TRPM3: variants seen among roughly 807,000 people sequenced by gnomAD.
The protein encoded by TRPM3 is long transient receptor potential channel 3.
TRPM3 carries 77 observed loss-of-function variants against 181.2 expected under a neutral mutation model. The ratio of observed to expected loss-of-function variants is 0.42; its 90% CI spans 0.35 to 0.51. TRPM3 has a LOEUF of 0.51. Among genes scored for constraint, TRPM3 ranks in the 20% least tolerant of loss-of-function variants. The pLI is 0.01. For synonymous variants in TRPM3, 745 were observed against 796.4 expected (o/e 0.94, Z 1.09); for missense variants, 1,759 against 2,196.7 (o/e 0.80, Z 3.98).
At chr9:71,113,026 A>G (rs1367850805) in intron 1 of TRPM3, among the ~76,000 whole-genome samples, 2 of 152,174 alleles carry the variant, frequency 1.3e-5, no homozygotes, top group Non-Finnish European at 2.9e-5. Context: ...AGGCCAGATC[A>G]CCTTGGGTCT....
At chr9:71,074,159 GGTAAGGCATA>G (rs2063137508) in intron 1 of TRPM3, among the ~76,000 whole-genome samples, 1 of 152,070 alleles carries the variant, frequency 6.6e-6, no homozygotes, top group South Asian at 2.1e-4. Context: ...TACCAGAACA[GGTAAGGCATA>G]TATGGTTATC....
At chr9:70,993,906 G>T (rs1026561089) in intron 1 of TRPM3, among the ~76,000 whole-genome samples, 3 of 152,018 alleles carry the variant, frequency 2.0e-5, no homozygotes, top group Admixed American at 6.6e-5. Context: ...CTCTCTCCTG[G>T]GGGGAAAACA....
intron 19 of TRPM3, among the ~76,000 whole-genome samples, chr9:70,605,158 G>T: frequency 6.6e-6 from 1 of 151,944 alleles, no homozygotes; most frequent in South Asian, 2.1e-4. Context: ...GTTTCATCAT[G>T]TTGGCCAGGC....
intron 12 of TRPM3, 110 bp downstream of exon 12, chr9:70,635,101 G>C (rs565481264): frequency 3.6e-6 from 3 of 842,600 alleles, no homozygotes; most frequent in African/African-American, 3.4e-5. Flanking sequence ...AATGAGTGGC[G>C]CCTGATAGGG....
chr9:70,578,600 G>A (rs960494895), intron 22 of TRPM3, among the ~76,000 whole-genome samples: 4 of 152,106 alleles, frequency 2.6e-5, no homozygotes, highest in Non-Finnish European at 5.9e-5. Flanking sequence ...AAGACAGAGT[G>A]AGCAGAGCAG....
intron 1 of TRPM3, among the ~76,000 whole-genome samples, chr9:71,006,611 T>C (rs1297827285): frequency 6.6e-6 from 1 of 152,156 alleles, no homozygotes; most frequent in African/African-American, 2.4e-5. Flanking sequence ...GGCTCACGCC[T>C]GTAATCTCAG....
At chr9:70,804,000 A>G (rs1324155462) in intron 6 of TRPM3, among the ~76,000 whole-genome samples, 2 of 152,048 alleles carry the variant, frequency 1.3e-5, no homozygotes, top group South Asian at 2.1e-4. Flanking sequence ...CTAGGAGACT[A>G]GGACTGCCTT....
At chr9:70,993,809 AGAAAG>A in intron 1 of TRPM3, among the ~76,000 whole-genome samples, 1 of 128,454 alleles carries the variant, frequency 7.8e-6, no homozygotes, top group African/African-American at 2.7e-5. Flanking sequence ...AAAAAAAGAA[AGAAAG>A]AAAGAAAGAA....
intron 1 of TRPM3, among the ~76,000 whole-genome samples, chr9:71,328,081 CA>C (rs545880389): frequency 8.9e-4 from 126 of 141,058 alleles, no homozygotes; most frequent in African/African-American, 2.8e-3. Flanking sequence ...AAAAAAAAAA[CA>C]AAAAAAAAAC....
chr9:70,611,674 G>T (rs2062022215), intron 18 of TRPM3, among the ~76,000 whole-genome samples: 1 of 152,180 alleles, frequency 6.6e-6, no homozygotes, highest in Non-Finnish European at 1.5e-5. Context: ...ATGTGCCTTG[G>T]TTCCCTAATT....
chr9:71,081,523 T>C (rs2064338916), intron 1 of TRPM3, among the ~76,000 whole-genome samples: 1 of 152,190 alleles, frequency 6.6e-6, no homozygotes, highest in African/African-American at 2.4e-5. Flanking sequence ...GGAAGTTTTT[T>C]GAGAGACATA....
intron 1 of TRPM3, among the ~76,000 whole-genome samples, chr9:71,282,921 G>A (rs1324294796): frequency 1.3e-5 from 2 of 152,044 alleles, no homozygotes; most frequent in Non-Finnish European, 1.5e-5. Flanking sequence ...ACCGCTGGAC[G>A]ACCATTCTTT....
chr9:70,780,482 T>C (rs1043247297), intron 7 of TRPM3, among the ~76,000 whole-genome samples: 6 of 152,254 alleles, frequency 3.9e-5, no homozygotes, highest in Middle Eastern at 3.4e-3. Context: ...TTGGACTTTA[T>C]TAGAAATCAA....
chr9:71,431,255 C>G (rs916064901), intron 1 of TRPM3, among the ~76,000 whole-genome samples: 11 of 152,226 alleles, frequency 7.2e-5, no homozygotes, highest in African/African-American at 2.6e-4. Context: ...TTAAAGTTTT[C>G]TAGATCTGGT....
intron 22 of TRPM3, among the ~76,000 whole-genome samples, chr9:70,570,302 G>GTTT (rs142779238): frequency 5.4e-4 from 37 of 68,388 alleles, no homozygotes; most frequent in African/African-American, 7.3e-4. Context: ...TATTACTAGA[G>GTTT]TTTTTTTTTT....
chr9:70,649,238 G>T (rs1394631464), intron 9 of TRPM3, among the ~76,000 whole-genome samples: 1 of 150,518 alleles, frequency 6.6e-6, no homozygotes, highest in Non-Finnish European at 1.5e-5. Context: ...ACCCAGGCTG[G>T]AGTGGAATGG....
chr9:70,545,909 T>C lies in TRPM3; in HGVS notation c.3707+3633A>G, dbSNP rs549402875. 4.6e-5 allele frequency among the ~76,000 whole-genome samples: 7 copies of C among 152,190 alleles called. No homozygotes were observed. In the South Asian group the frequency reaches 1.5e-3, roughly 32 times the overall value. ...TTCCTAAGACTGGTAGCATAGGCAG[T>C]TTCTTCTCTTTTCCAGGAGGTGTTC... On this transcript the variant is annotated intron_variant, in intron 25 of 25. Coordinates refer to ENST00000677713, the MANE Select transcript of TRPM3 (RefSeq NM_001366145.2).
At chr9:70,752,002 G>GTGTATGTGTA (rs1554685672) in intron 8 of TRPM3, among the ~76,000 whole-genome samples, 1 of 98,126 alleles carries the variant, frequency 1.0e-5, no homozygotes, top group Non-Finnish European at 2.1e-5. Context: ...TCTCAACAGT[G>GTGTATGTGTA]TGTGTGTGTG....
chr9:70,616,573 C>A (rs1396524957), intron 17 of TRPM3, among the ~76,000 whole-genome samples: 591 of 121,044 alleles, frequency 4.9e-3, no homozygotes, highest in African/African-American at 5.4e-3. Context: ...ATTATCTCTG[C>A]AAAAAAAAAA....
Sources: allele counts gnomAD v4.1 joint callset (sites outside exome capture counted in the v4.1 genomes callset), GRCh38; gene constraint gnomAD v4.1.1; transcripts MANE v1.5; gene names NCBI Gene and HGNC (gene_info 2026-07-23, HGNC 2026-07-21).